The following GRIK2 variants were observed in gnomAD, a reference collection of about 807,000 sequenced individuals.
GRIK2 encodes glutamate ionotropic receptor kainate type subunit 2.
Under a neutral mutation model 100.3 loss-of-function variants are expected in GRIK2, and 32 were observed. The observed-to-expected ratio is 0.32, with a 90% CI of 0.24 to 0.43. The LOEUF (loss-of-function observed/expected upper bound fraction) is 0.43. Among genes scored for constraint, GRIK2 ranks in the 20% least tolerant of loss-of-function variants. The probability of loss-of-function intolerance (pLI) is 1.00; values close to 1 mark genes in which losing one functional copy is unlikely to be tolerated. For missense variants in GRIK2, 843 were observed against 1,114.9 expected (o/e 0.76, Z 3.47); for synonymous variants, 417 against 389.4 (o/e 1.07, Z -0.83).
intron 4 of GRIK2, among the ~76,000 whole-genome samples, chr6:101,662,756 T>C (rs1769721438): frequency 6.6e-6 from 1 of 152,176 alleles, no homozygotes; most frequent in African/African-American, 2.4e-5. Flanking sequence ...ATTCTCACAT[T>C]ATTGTACATA....
At chr6:102,067,160 C>T (rs1293576912) in intron 16 of GRIK2, among the ~76,000 whole-genome samples, 1 of 151,508 alleles carries the variant, frequency 6.6e-6, no homozygotes, top group Non-Finnish European at 1.5e-5. Flanking sequence ...ATGTATATAT[C>T]ATATATAACG....
At chr6:101,421,390 C>G (rs183728792) in intron 2 of GRIK2, among the ~76,000 whole-genome samples, 6 of 152,258 alleles carry the variant, frequency 3.9e-5, no homozygotes, top group South Asian at 2.1e-4. Context: ...GAGGAGGAAG[C>G]AGGGGTCATT....
chr6:101,955,807 TAA>T (rs1171756126), intron 14 of GRIK2, among the ~76,000 whole-genome samples: 1 of 152,150 alleles, frequency 6.6e-6, no homozygotes, highest in East Asian at 1.9e-4. Flanking sequence ...TTATTCTTGC[TAA>T]AAGTTTGTAA....
rs1330878248 is a variant in GRIK2, at chr6:102,028,451, CA to C, written c.2086-6887del. Among the ~76,000 whole-genome samples the C allele has an allele frequency of 2.0e-5, 3 of 151,292 alleles. 1 individual carries two copies. In the East Asian group the frequency reaches 5.9e-4, roughly 30 times the overall value. On this transcript the variant is annotated intron_variant, in intron 14 of 16. Coordinates refer to ENST00000369134, the MANE Select transcript of GRIK2 (RefSeq NM_021956.5). ...TAAACATTGCTAAACATTGACATCC[CA>C]AATCCATCTAATATAACATAGAAAA... is the stretch of plus-strand genomic sequence containing the variant.
At chr6:101,571,261 A>T (rs940505211) in intron 2 of GRIK2, among the ~76,000 whole-genome samples, 1 of 152,180 alleles carries the variant, frequency 6.6e-6, no homozygotes, top group African/African-American at 2.4e-5. Flanking sequence ...TGCTGCACCC[A>T]TCACCCCAAC....
chr6:101,544,608 A>G (rs756272734), intron 2 of GRIK2, among the ~76,000 whole-genome samples: 6 of 152,094 alleles, frequency 3.9e-5, no homozygotes, highest in African/African-American at 1.4e-4. Context: ...TACCTGTAGT[A>G]TACCTTCTTC....
chr6:101,803,401 G>C (rs1202732861), intron 9 of GRIK2, among the ~76,000 whole-genome samples: 2 of 151,892 alleles, frequency 1.3e-5, no homozygotes, highest in East Asian at 3.9e-4. Flanking sequence ...AATACATTAT[G>C]ACCAACTGAT....
At chr6:102,003,097 T>C (rs1443817929) in intron 14 of GRIK2, among the ~76,000 whole-genome samples, 1 of 151,746 alleles carries the variant, frequency 6.6e-6, no homozygotes, top group Non-Finnish European at 1.5e-5. Flanking sequence ...TTTTTTCTTA[T>C]CCAATCTGAA....
chr6:102,015,456 T>C (rs1394964513), intron 14 of GRIK2, among the ~76,000 whole-genome samples: 2 of 152,152 alleles, frequency 1.3e-5, no homozygotes, highest in Admixed American at 1.3e-4. Context: ...AGTATTGATA[T>C]GTGTGGACAC....
At chr6:101,926,793 C>T (rs1181930459) in intron 13 of GRIK2, among the ~76,000 whole-genome samples, 2 of 152,126 alleles carry the variant, frequency 1.3e-5, no homozygotes, top group African/African-American at 2.4e-5. Context: ...CCTAACCAGG[C>T]TCTGATTCAC....
At chr6:101,607,788 T>C (rs974128176) in intron 2 of GRIK2, among the ~76,000 whole-genome samples, 1 of 151,844 alleles carries the variant, frequency 6.6e-6, no homozygotes, top group Non-Finnish European at 1.5e-5. Flanking sequence ...CAAGAGCCTT[T>C]TGGGTACAAA....
chr6:102,034,894 A>AAAAC (rs1349505595), intron 14 of GRIK2, among the ~76,000 whole-genome samples: 4 of 151,410 alleles, frequency 2.6e-5, no homozygotes, highest in African/African-American at 9.7e-5. Context: ...AAGTTGGGGG[A>AAAAC]AAACAAACAA....
At chr6:102,066,881 A>G (rs766872429) in intron 16 of GRIK2, among the ~76,000 whole-genome samples, 1 of 151,646 alleles carries the variant, frequency 6.6e-6, no homozygotes, top group Non-Finnish European at 1.5e-5. Flanking sequence ...CATTAAGGAA[A>G]CTCTTTAAGG....
chr6:101,580,546 A>G (rs567077438), intron 2 of GRIK2, among the ~76,000 whole-genome samples: 2 of 152,130 alleles, frequency 1.3e-5, no homozygotes, highest in South Asian at 4.2e-4. Flanking sequence ...GCATCTATCC[A>G]TTGTTTCTTT....
intron 2 of GRIK2, among the ~76,000 whole-genome samples, chr6:101,507,970 A>G (rs1012538197): frequency 6.6e-6 from 1 of 152,194 alleles, no homozygotes; most frequent in African/African-American, 2.4e-5. Flanking sequence ...GTAGAAGACA[A>G]TAATTTTCTG....
intron 2 of GRIK2, among the ~76,000 whole-genome samples, chr6:101,539,761 A>G (rs1306354803): frequency 1.3e-5 from 2 of 151,802 alleles, no homozygotes. Flanking sequence ...TTCGTACATG[A>G]AAAAAATTTT....
chr6:101,653,304 C>G (rs1348061730), intron 4 of GRIK2, among the ~76,000 whole-genome samples: 1 of 152,032 alleles, frequency 6.6e-6, no homozygotes, highest in Non-Finnish European at 1.5e-5. Flanking sequence ...CTCTAGACTC[C>G]TAACTTACTT....
At chr6:101,760,678 ATT>A (rs1480080406) in intron 7 of GRIK2, among the ~76,000 whole-genome samples, 1,035 of 84,946 alleles carry the variant, frequency 0.012, 181 homozygotes, top group African/African-American at 0.062. Flanking sequence ...ATAATTATAT[ATT>A]TAATTATATA....
intron 2 of GRIK2, chr6:101,431,320 G>C (rs1052256125): frequency 5.2e-5 from 8 of 153,918 alleles, no homozygotes; most frequent in African/African-American, 1.9e-4. Context: ...TTCTGGCTCA[G>C]TTCCAGTAAT....
Sources: allele counts gnomAD v4.1 joint callset (sites outside exome capture counted in the v4.1 genomes callset), GRCh38; gene constraint gnomAD v4.1.1; transcripts MANE v1.5; gene names NCBI Gene and HGNC (gene_info 2026-07-23, HGNC 2026-07-21).